Variants in DMD observed in about 807,000 individuals in gnomAD.
DMD encodes the protein dystrophin.
DMD carries 63 observed loss-of-function variants against 330.1 expected under a neutral mutation model. The ratio of observed to expected loss-of-function variants is 0.19; its 90% CI spans 0.16 to 0.24. DMD has a LOEUF of 0.24. DMD is among the 10% of genes least tolerant of loss of function. DMD has a pLI of 1.00. For missense variants in DMD, 3,344 were observed against 2,684.1 expected (o/e 1.25, Z -5.43); for synonymous variants, 1,223 against 959.8 (o/e 1.27, Z -5.07).
intron 1 of DMD, among the ~76,000 whole-genome samples, chrX:33,031,942 A>G (rs2094122209): frequency 8.9e-6 from 1 of 112,524 alleles, no homozygotes; most frequent in South Asian, 3.7e-4. Context: ...AAGACTTAGT[A>G]CAAAGTAAGT....
chrX:32,586,114 T>C (rs770857928), intron 13 of DMD, among the ~76,000 whole-genome samples: 2 of 111,284 alleles, frequency 1.8e-5, no homozygotes, highest in East Asian at 2.8e-4. Flanking sequence ...GATCAAAACA[T>C]ACTCAAAAGT....
chrX:31,441,244 T>C (rs1268601043), intron 60 of DMD, among the ~76,000 whole-genome samples: 8 of 112,189 alleles, frequency 7.1e-5, no homozygotes, highest in Admixed American at 9.4e-5. Context: ...TCGCCCAGGC[T>C]GGAGTGCAGT....
rs1001498961 is a variant in DMD at position 32,210,874 on chromosome X, G to C, written c.6438+6042C>G. On this transcript the variant is annotated intron_variant, in intron 44 of 78. Transcript: ENST00000357033. ...GAAAACCTGGGTATTTCCATTAAGA[G>C]GAGGACGGTCTTTTCATGGACTCGC... Among the ~76,000 whole-genome samples the C allele has an allele frequency of 6.3e-5, 7 of 111,712 alleles. No individual in the cohort carries two copies. The Admixed American group carries it at 6.7e-4, about 11-fold the overall frequency.
intron 55 of DMD, among the ~76,000 whole-genome samples, chrX:31,585,324 AAAAAAAAAAAAAAAAAAAAAAAGAAT>A (rs2076543768): frequency 1.6e-5 from 1 of 62,504 alleles, no homozygotes; most frequent in Non-Finnish European, 3.1e-5. Flanking sequence ...ACCCTGTCTC[AAAAAAAAAAAAAAAAAAAAAAAGAAT>A]GTAAACATAT....
At chrX:31,863,706 TTAAA>T (rs1479173492) in intron 48 of DMD, among the ~76,000 whole-genome samples, 2 of 111,793 alleles carry the variant, frequency 1.8e-5, no homozygotes, top group African/African-American at 6.5e-5. Context: ...TATTAATACT[TTAAA>T]TACTACTCAA....
At chrX:32,216,493 C>A (rs1182126495) in intron 44 of DMD, among the ~76,000 whole-genome samples, 2 of 111,855 alleles carry the variant, frequency 1.8e-5, no homozygotes, top group Non-Finnish European at 3.8e-5. Context: ...ACAAAATTGT[C>A]TTTAGGAAAA....
rs192357254 is a variant in DMD at position 32,571,171 on chromosome X, A to G, written c.1812+2359T>C. Among the ~76,000 whole-genome samples the G allele has an allele frequency of 3.3e-3, 373 of 111,947 alleles. 1 individual carries two copies. Among genetic ancestry groups the G allele is most frequent in the African/African-American group, 0.011 (346 of 30,850 alleles). On this transcript the variant is annotated intron_variant, in intron 15 of 78. Coordinates refer to ENST00000357033, the MANE Select transcript of DMD (RefSeq NM_004006.3). ...CATGATTCTGTATTTAACTAGCAAT[A>G]TATCTTCGCTCCTAATCAGAGGGCA... is the stretch of plus-strand genomic sequence containing the variant.
chrX:32,109,542 C>G (rs1921380), intron 44 of DMD, among the ~76,000 whole-genome samples: 36,306 of 108,249 alleles, frequency 0.34, 6,017 homozygotes, highest in African/African-American at 0.64. Flanking sequence ...TAAAGAAAAT[C>G]TGAGTGCGGA....
intron 44 of DMD, among the ~76,000 whole-genome samples, chrX:32,147,447 G>A (rs1290123487): frequency 1.8e-5 from 2 of 111,654 alleles, no homozygotes; most frequent in East Asian, 5.6e-4. Flanking sequence ...TCTGGTGAAC[G>A]CTTAAAATAC....
intron 45 of DMD, among the ~76,000 whole-genome samples, chrX:31,951,375 C>T (rs2095177400): frequency 9.4e-6 from 1 of 106,655 alleles, no homozygotes; most frequent in South Asian, 4.0e-4. Flanking sequence ...TTTCAAATTT[C>T]AGATTTTTTT....
intron 17 of DMD, among the ~76,000 whole-genome samples, chrX:32,541,754 G>A (rs1021395192): frequency 2.7e-5 from 3 of 109,092 alleles, no homozygotes; most frequent in Non-Finnish European, 3.8e-5. Flanking sequence ...GCCACAACAC[G>A]CAATTTACCC....
chrX:32,470,739 A>G (rs1216597498), intron 22 of DMD, among the ~76,000 whole-genome samples: 2 of 112,005 alleles, frequency 1.8e-5, no homozygotes, highest in Non-Finnish European at 3.8e-5. Flanking sequence ...GTATTGTAGT[A>G]GAATAAATAT....
intron 64 of DMD, among the ~76,000 whole-genome samples, chrX:31,217,598 G>T (rs994640150): frequency 4.5e-5 from 5 of 111,977 alleles, no homozygotes; most frequent in Admixed American, 9.5e-5. Flanking sequence ...GCTAGCCAGG[G>T]CAAGTTTTAT....
intron 13 of DMD, among the ~76,000 whole-genome samples, chrX:32,587,176 A>C (rs771772220): frequency 8.9e-6 from 1 of 111,999 alleles, no homozygotes; most frequent in Non-Finnish European, 1.9e-5. Flanking sequence ...TGAGAGAAAA[A>C]TCTGACTTTA....
intron 29 of DMD, among the ~76,000 whole-genome samples, chrX:32,436,312 T>C (rs1303521534): frequency 8.9e-6 from 1 of 111,880 alleles, no homozygotes; most frequent in African/African-American, 3.3e-5. Context: ...TTAAACCATC[T>C]CTGTTTAAGT....
intron 16 of DMD, among the ~76,000 whole-genome samples, chrX:32,562,529 G>C (rs766625861): frequency 1.8e-5 from 2 of 112,703 alleles, no homozygotes; most frequent in East Asian, 2.8e-4. Context: ...ACCATTATGA[G>C]AACTTTGCTC....
At chrX:31,508,504 C>T (rs1046329429) in intron 55 of DMD, 2 of 214,461 alleles carry the variant, frequency 9.3e-6, no homozygotes, top group Admixed American at 6.7e-5. Flanking sequence ...TATTAAACAG[C>T]CAACTTTTCT....
chrX:32,728,907 T>C (rs1207742729), intron 7 of DMD, among the ~76,000 whole-genome samples: 2 of 111,945 alleles, frequency 1.8e-5, no homozygotes, highest in African/African-American at 6.5e-5. Context: ...CATGCCAAAC[T>C]GAAATACTTT....
At chrX:32,568,522 AT>A (rs988453206) in intron 15 of DMD, among the ~76,000 whole-genome samples, 1 of 109,941 alleles carries the variant, frequency 9.1e-6, no homozygotes, top group African/African-American at 3.3e-5. Flanking sequence ...AAAAAAAAAA[AT>A]CCAATTAGGA....
Sources: gnomAD v4.1 joint callset for allele counts (sites outside exome capture counted in the v4.1 genomes callset) on GRCh38, gnomAD v4.1.1 for gene constraint, MANE v1.5 for transcripts, NCBI Gene and HGNC (gene_info 2026-07-23, HGNC 2026-07-21) for gene names.